Variants in KNL1 observed in about 807,000 individuals in gnomAD.
The protein encoded by KNL1 is outer kinetochore KNL1 complex subunit KNL1.
Under a neutral mutation model 201.3 loss-of-function variants are expected in KNL1, and 66 were observed. That is an observed-to-expected ratio of 0.33 (90% confidence interval 0.27 to 0.40). The LOEUF is 0.40. KNL1 is among the 10% of genes least tolerant of loss of function. The pLI, the probability that KNL1 is intolerant of heterozygous loss-of-function variation, is 1.00. For missense variants in KNL1, 2,815 were observed against 2,690.5 expected (o/e 1.05, Z -1.02); for synonymous variants, 895 against 899.2 (o/e 1.00, Z 0.08).
chr15:40,648,910 A>G (rs915419561), intron 17 of KNL1, among the ~76,000 whole-genome samples: 4 of 148,728 alleles, frequency 2.7e-5, no homozygotes, highest in Non-Finnish European at 3.0e-5. Flanking sequence ...GCTCACTGCA[A>G]CCTCCGCCTC....
chr15:40,623,367 G>C lies in KNL1; in HGVS notation c.3103G>C (p.Glu1035Gln), dbSNP rs777249441. 6.2e-7 allele frequency: 1 copy of C among 1,613,908 alleles called. No homozygotes were observed. Residue 1035 changes from glutamate to glutamine, a missense_variant, in exon 10 of 26, where the codon GAA becomes CAA. Physicochemically the swap from Glu to Gln is conservative, Grantham distance 29 (BLOSUM62 2). Coordinates refer to ENST00000399668, the MANE Select transcript of KNL1 (RefSeq NM_144508.5). ...RGPVEVADNM[E>Q]LSKSATCKNI... Reference sequence around the variant, plus strand: ...CCCTGTAGAGGTAGCTGATAACATGGAATTGTCTAAATCAGCCACTTGCAA... The same window carrying C: ...CCCTGTAGAGGTAGCTGATAACATGCAATTGTCTAAATCAGCCACTTGCAA...
Position 40,622,245 on chromosome 15 carries a change from G to A in KNL1, c.1981G>A (p.Asp661Asn), listed in dbSNP as rs1453895455. 1.9e-6 allele frequency: 3 copies of A among 1,614,042 alleles called. No homozygotes were observed. The highest frequency in any genetic ancestry group is 2.5e-6 in the Non-Finnish European group (3 of 1,179,962). ...TGATAAAGATTCTCCTCAGTCAGCT[G>A]ATTGTAATCAGGAGATAGCAACAAG... The part of the protein sequence containing the change: ...YLDKDSPQSA[D>N]CNQEIATSHN... The change falls in exon 10 of 26, where the codon GAT becomes AAT. Residue 661 changes from aspartate to asparagine, a missense_variant. Transcript: ENST00000399668.
At chr15:40,646,856 C>CAAAA (rs146834597) in intron 16 of KNL1, 131 bp from the exon 17 acceptor site, 63 of 191,290 alleles carry the variant, frequency 3.3e-4, no homozygotes, top group East Asian at 5.4e-4. Flanking sequence ...GACTCCGCCT[C>CAAAA]AAAAAAAAAA....
At chr15:40,634,795 G>A (rs1893008544) in intron 13 of KNL1, among the ~76,000 whole-genome samples, 1 of 152,144 alleles carries the variant, frequency 6.6e-6, no homozygotes, top group African/African-American at 2.4e-5. Context: ...GCAGGGTGAA[G>A]GAGGGAGAGG....
At chr15:40,605,276 A>G in intron 3 of KNL1, 127 bp downstream of exon 3, 1 of 588,450 alleles carries the variant, frequency 1.7e-6, no homozygotes, top group South Asian at 2.5e-5. Context: ...CTAGATAAAG[A>G]CTCAAATATT....
chr15:40,620,871 G>A lies in KNL1; in HGVS notation c.607G>A (p.Val203Met), dbSNP rs200012233. The change falls in exon 10 of 26, where the codon GTG becomes ATG. Residue 203 changes from valine to methionine, a missense_variant. By Grantham distance (21) the Val-to-Met change is conservative (BLOSUM62 1). Coordinates refer to ENST00000399668, the MANE Select transcript of KNL1 (RefSeq NM_144508.5). ...SRMKKEVNFSVDQNTSSENKI... is the reference protein window; with the variant it reads ...SRMKKEVNFSMDQNTSSENKI... ...AATGAAAAAAGAAGTAAATTTTTCC[G>A]TGGATCAAAACACTTCTTCAGAAAA... The A allele has an allele frequency of 2.1e-5, 34 of 1,593,862 alleles. No homozygotes were observed. The highest frequency in any genetic ancestry group is 1.9e-4 in the African/African-American group (14 of 73,452).
At chr15:40,654,100 A>G (rs1315653239) in intron 21 of KNL1, among the ~76,000 whole-genome samples, 1 of 152,204 alleles carries the variant, frequency 6.6e-6, no homozygotes, top group Admixed American at 6.6e-5. Flanking sequence ...TGGTATCCAC[A>G]GTGCCTAACA....
At chr15:40,606,096 AG>A (rs1449456207) in intron 3 of KNL1, among the ~76,000 whole-genome samples, 2 of 152,180 alleles carry the variant, frequency 1.3e-5, no homozygotes, top group Non-Finnish European at 2.9e-5. Flanking sequence ...CATTGACAAG[AG>A]AATATCAGAT....
rs148594986 is a variant in KNL1 at position 40,626,386 on chromosome 15, G to A, written c.5376+746G>A. Among the ~76,000 whole-genome samples the A allele has an allele frequency of 3.6e-3, 540 of 151,084 alleles. 5 individuals carry two copies. Among genetic ancestry groups the A allele is most frequent in the East Asian group, 0.026 (132 of 5,144 alleles). ...GGGTTTCCCCATGTTGGCCAGGCTG[G>A]TCTCGAACTCCTGATCTCAGGTGAT... On this transcript the variant is annotated intron_variant, in intron 10 of 25. Coordinates refer to ENST00000399668, the MANE Select transcript of KNL1 (RefSeq NM_144508.5).
Position 40,624,067 on chromosome 15 carries a change from A to G in KNL1, c.3803A>G (p.Glu1268Gly), listed in dbSNP as rs577237043. ...GTTGTAGACCAGGCCTGTACATTGG[A>G]AAAAGCGCAAGTTGAAAGCTGTCAG... Reference protein sequence around the residue: ...GKVVDQACTLEKAQVESCQLN... With the variant: ...GKVVDQACTLGKAQVESCQLN... Residue 1268 changes from glutamate (E) to glycine (G), a missense_variant, in exon 10 of 26, where the codon GAA becomes GGA. Physicochemically the swap from Glu to Gly is moderately conservative, Grantham distance 98. Transcript: ENST00000399668. 2.5e-6 allele frequency: 4 copies of G among 1,614,030 alleles called. No individual in the cohort carries two copies. The highest frequency in any genetic ancestry group is 1.1e-5 in the South Asian group (1 of 91,080).
In KNL1 at chr15:40,662,222, A is replaced by G; in HGVS notation, c.*34A>G. On this transcript the variant is annotated 3_prime_UTR_variant, in exon 26 of 26. Coordinates refer to ENST00000399668, the MANE Select transcript of KNL1 (RefSeq NM_144508.5). ...ACCACCATTGGAACAACCAAGCAGA[A>G]TGTACTTGATATTATTTCAGGGTCC... 1 of 1,171,750 alleles carries G rather than the reference A, an allele frequency of 8.5e-7. No homozygotes were observed. Among genetic ancestry groups the G allele is most frequent in the Non-Finnish European group, 1.3e-6 (1 of 780,474 alleles). 72.6% of individuals were successfully genotyped at this position (1,171,750 alleles called of 1,614,324 possible). A position where few individuals can be genotyped will look rare whatever the true frequency, so the allele number is the denominator to read the frequency against.
intron 8 of KNL1, chr15:40,615,750 C>T (rs529670867): frequency 1.2e-4 from 18 of 152,054 alleles, no homozygotes; most frequent in African/African-American, 4.4e-4. Flanking sequence ...TGGCTCCAAA[C>T]AGAGCTTTGT....
chr15:40,598,570 C>T lies in KNL1; in HGVS notation c.-18+4178C>T, dbSNP rs140083328. Among the ~76,000 whole-genome samples the T allele has an allele frequency of 2.0e-5, 3 of 151,948 alleles. No homozygotes were observed. The East Asian group carries it at 5.8e-4, about 29-fold the overall frequency. Reference sequence around the variant, plus strand: ...GACAACAGAGCAAGACCCTGTCTCCCTGCCCCCTCCGGCCCCCCAAAAAAA... The same window carrying T: ...GACAACAGAGCAAGACCCTGTCTCCTTGCCCCCTCCGGCCCCCCAAAAAAA... On this transcript the variant is annotated intron_variant, in intron 1 of 25. Coordinates refer to ENST00000399668, the MANE Select transcript of KNL1 (RefSeq NM_144508.5).
intron 24 of KNL1, among the ~76,000 whole-genome samples, chr15:40,658,561 C>T (rs1026524869): frequency 1.3e-5 from 1 of 74,168 alleles, no homozygotes; most frequent in African/African-American, 5.3e-5. Context: ...GAATCTGTCT[C>T]AAAAAAAAAA....
At chr15:40,601,798 A>G (rs1183468632) in intron 1 of KNL1, among the ~76,000 whole-genome samples, 10 of 135,112 alleles carry the variant, frequency 7.4e-5, no homozygotes, top group Non-Finnish European at 1.3e-4. Context: ...GCTGCTCTCC[A>G]GCCTGGGCGA....
chr15:40,601,586 CT>C (rs1160391448), intron 1 of KNL1, among the ~76,000 whole-genome samples: 1 of 151,974 alleles, frequency 6.6e-6, no homozygotes, highest in Non-Finnish European at 1.5e-5. Flanking sequence ...AATCCCAGCA[CT>C]TTGGGAGGCC....
At chr15:40,648,238 G>A (rs1192224281) in intron 17 of KNL1, among the ~76,000 whole-genome samples, 1 of 152,090 alleles carries the variant, frequency 6.6e-6, no homozygotes, top group African/African-American at 2.4e-5. Flanking sequence ...TGTGAATACA[G>A]CCTGGGCAAC....
At chr15:40,605,221 G>T (rs922532525) in intron 3 of KNL1, 72 bp downstream of exon 3, 39 of 854,642 alleles carry the variant, frequency 4.6e-5, no homozygotes, top group Non-Finnish European at 7.3e-5. Context: ...CAGTAGTTTT[G>T]ACTGTGGCTT....
In KNL1 at chr15:40,622,122, A is replaced by G. The variant is rs1241272657; in HGVS notation, c.1858A>G (p.Asn620Asp). The stretch of plus-strand genomic sequence containing the variant: ...ATGTGAAGAAATTACCAAAAGTCGT[A>G]ATGAACCATTTCAGCGATCAGACAT... ...DECEEITKSR[N>D]EPFQRSDIIA... The change falls in exon 10 of 26, where the codon AAT becomes GAT. Residue 620 changes from asparagine to aspartate, a missense_variant. Asn to Asp is a conservative substitution (Grantham distance 23, BLOSUM62 1). This residue lies in a region of KNL1 where 2,464 missense variants were observed against 2,291.7 expected (regional missense o/e 1.08). Transcript: ENST00000399668. 6.2e-7 allele frequency: 1 copy of G among 1,614,108 alleles called. No individual in the cohort carries two copies. Among genetic ancestry groups the G allele is most frequent in the Admixed American group, 1.7e-5 (1 of 60,004 alleles).
Sources: gnomAD v4.1 joint callset for allele counts (sites outside exome capture counted in the v4.1 genomes callset) on GRCh38, gnomAD v4.1.1 for gene constraint, gnomAD v4.1.1 regional missense constraint, MANE v1.5 for transcripts, NCBI Gene and HGNC (gene_info 2026-07-23, HGNC 2026-07-21) for gene names.